Variants in SCRN3 observed in about 807,000 individuals in gnomAD.
SCRN3 encodes secernin 3, also known as secernin-3.
Under a neutral mutation model 43.1 loss-of-function variants are expected in SCRN3, and 39 were observed. The ratio of observed to expected loss-of-function variants is 0.91; its 90% CI spans 0.70 to 1.18. SCRN3 has a LOEUF of 1.18. Ranked by LOEUF, SCRN3 falls within the 50% of genes most tolerant of loss-of-function variation. The pLI is 0.00. For synonymous variants in SCRN3, 147 were observed against 163.1 expected (o/e 0.90, Z 0.75); for missense variants, 484 against 498.0 (o/e 0.97, Z 0.27).
Position 174,427,710 on chromosome 2 carries a change from T to C in SCRN3, c.1093-3T>C, listed in dbSNP as rs761726783. 8.8e-6 allele frequency: 14 copies of C among 1,585,982 alleles called. No homozygotes were observed. The highest frequency in any genetic ancestry group is 1.7e-4 in the Middle Eastern group (1 of 5,864). ...GTTTATCTTTATATTTTTAATTGTT[T>C]AGGAAAAAGCCAAAATAATGTTGGA... On this transcript the variant is annotated splice_region_variant and splice_polypyrimidine_tract_variant and intron_variant, in intron 7 of 7. Transcript: ENST00000272732.
chr2:174,419,564 T>C (rs891430902), intron 5 of SCRN3, among the ~76,000 whole-genome samples: 4 of 151,932 alleles, frequency 2.6e-5, no homozygotes, highest in East Asian at 3.9e-4. Flanking sequence ...TTTTTGGTAA[T>C]AGACGGCGGA....
intron 4 of SCRN3, among the ~76,000 whole-genome samples, chr2:174,402,088 G>A (rs997394169): frequency 3.3e-5 from 5 of 152,060 alleles, no homozygotes; most frequent in African/African-American, 7.2e-5. Flanking sequence ...TTGTTTTGAC[G>A]GACATTTTGT....
chr2:174,404,367 A>T (rs1354404989), intron 5 of SCRN3, 52 bp downstream of exon 5: 1 of 1,246,390 alleles, frequency 8.0e-7, no homozygotes, highest in South Asian at 1.3e-5. Flanking sequence ...TTTTGTGTAG[A>T]TGTAATATGG....
rs185514051 is a variant in SCRN3, at chr2:174,403,315, A to C, written c.542-788A>C. Among the ~76,000 whole-genome samples, 164 of 152,218 alleles carry C rather than the reference A, an allele frequency of 1.1e-3. 1 individual carries two copies. In the East Asian group the frequency reaches 0.028, roughly 26 times the overall value. ...AATAGTTTGTCAGTTAAAAAAAAAA[A>C]ACTAAACATGCAACTACCATACAAC... is the stretch of plus-strand genomic sequence containing the variant. On this transcript the variant is annotated intron_variant, in intron 4 of 7. Transcript: ENST00000272732.
At chr2:174,400,519 G>C (rs1685472565) in intron 3 of SCRN3, among the ~76,000 whole-genome samples, 1 of 151,948 alleles carries the variant, frequency 6.6e-6, no homozygotes. Flanking sequence ...TACTTGTCTT[G>C]AACTCCTGGC....
intron 5 of SCRN3, among the ~76,000 whole-genome samples, chr2:174,418,837 G>A (rs1035627853): frequency 7.9e-5 from 12 of 152,148 alleles, no homozygotes; most frequent in East Asian, 3.9e-4. Flanking sequence ...GCTTTTAGGC[G>A]CACCTTCTTT....
intron 5 of SCRN3, among the ~76,000 whole-genome samples, chr2:174,409,765 C>T (rs1291273696): frequency 1.4e-5 from 2 of 144,096 alleles, no homozygotes; most frequent in African/African-American, 2.5e-5. Context: ...CCCAGTTAGG[C>T]TGCTCGGGGG....
At chr2:174,422,836 C>T in intron 5 of SCRN3, 49 bp from the exon 6 acceptor site, 1 of 1,175,186 alleles carries the variant, frequency 8.5e-7, no homozygotes. Flanking sequence ...ATTTGCAAGG[C>T]ATCCGTATAT....
intron 5 of SCRN3, among the ~76,000 whole-genome samples, chr2:174,417,505 T>C (rs1408209206): frequency 9.9e-5 from 15 of 152,132 alleles, no homozygotes; most frequent in African/African-American, 3.6e-4. Flanking sequence ...GCGATTCTCC[T>C]GCCTCAGCCT....
chr2:174,403,929 T>G (rs529861655), intron 4 of SCRN3, among the ~76,000 whole-genome samples, 174 bp from the exon 5 acceptor site: 1 of 152,346 alleles, frequency 6.6e-6, no homozygotes, highest in South Asian at 2.1e-4. Context: ...AAAATCAGTT[T>G]AATTTTAAAA....
rs1686539624 is a variant in SCRN3, at chr2:174,427,797, C to G, written c.1177C>G (p.His393Asp). ...GATGGAATCAATCCTTCAAAACAAG[C>G]ATCTTGATGTGGAGAAAATTGTTAA... ...REMESILQNK[H>D]LDVEKIVNLF... The change falls in exon 8 of 8, where the codon CAT becomes GAT. Residue 393 changes from histidine (H) to aspartate (D), a missense_variant. By Grantham distance (81) the His-to-Asp change is moderately conservative. Coordinates refer to ENST00000272732, the MANE Select transcript of SCRN3 (RefSeq NM_024583.5). 6.2e-7 allele frequency: 1 copy of G among 1,610,958 alleles called. No individual in the cohort carries two copies. The highest frequency in any genetic ancestry group is 8.5e-7 in the Non-Finnish European group (1 of 1,177,574).
At chr2:174,403,959 G>T in intron 4 of SCRN3, 144 bp from the exon 5 acceptor site, 1 of 571,346 alleles carries the variant, frequency 1.8e-6, no homozygotes, top group Non-Finnish European at 3.1e-6. Flanking sequence ...TTATCTTTTT[G>T]AATATGTAAT....
At chr2:174,418,628 G>A (rs539015444) in intron 5 of SCRN3, among the ~76,000 whole-genome samples, 2 of 152,258 alleles carry the variant, frequency 1.3e-5, no homozygotes, top group Non-Finnish European at 2.9e-5. Flanking sequence ...TGTAGGTTTT[G>A]AATACAGAAA....
chr2:174,411,807 G>C (rs1483242545), intron 5 of SCRN3, among the ~76,000 whole-genome samples: 1 of 152,124 alleles, frequency 6.6e-6, no homozygotes, highest in African/African-American at 2.4e-5. Flanking sequence ...TGTAATCCCA[G>C]CTACTTGGGA....
chr2:174,414,771 T>TC (rs2105603222), intron 5 of SCRN3, among the ~76,000 whole-genome samples: 1 of 149,652 alleles, frequency 6.7e-6, no homozygotes, highest in South Asian at 2.1e-4. Flanking sequence ...TTTTCTTTTT[T>TC]TTTTTTTTTT....
intron 5 of SCRN3, among the ~76,000 whole-genome samples, chr2:174,413,081 AG>A (rs1302401038): frequency 6.6e-6 from 1 of 151,622 alleles, no homozygotes; most frequent in African/African-American, 2.4e-5. Flanking sequence ...CATGTTGGTC[AG>A]GCTGGTCTTG....
chr2:174,398,514 AT>A, intron 2 of SCRN3, 72 bp downstream of exon 2: 1 of 1,313,980 alleles, frequency 7.6e-7, no homozygotes, highest in Non-Finnish European at 1.0e-6. Context: ...ATACATAGCA[AT>A]TTGGAAGAAA....
chr2:174,397,018 A>C, intron 1 of SCRN3: 11 of 938,472 alleles, frequency 1.2e-5, no homozygotes, highest in Non-Finnish European at 1.4e-5. Context: ...ATAGTCTGCC[A>C]AAGTTATATA....
chr2:174,401,059 T>C lies in SCRN3; in HGVS notation c.411T>C (p.Tyr137=), dbSNP rs141148733. The stretch of plus-strand genomic sequence containing the variant: ...TCATTGTTGACTTACTAGAAAAATA[T>C]GGCCAGGGTGGAAATTGCACAGAGG... ...LNVIVDLLEK[Y]GQGGNCTEGR... The change falls in exon 4 of 8, where the codon TAT becomes TAC. Residue 137 remains tyrosine, a synonymous_variant. Transcript: ENST00000272732. 6.2e-7 allele frequency: 1 copy of C among 1,613,704 alleles called. No individual in the cohort carries two copies. The highest frequency in any genetic ancestry group is 8.5e-7 in the Non-Finnish European group (1 of 1,179,890).
Sources: gnomAD v4.1 joint callset for allele counts (sites outside exome capture counted in the v4.1 genomes callset) on GRCh38, gnomAD v4.1.1 for gene constraint, MANE v1.5 for transcripts, NCBI Gene and HGNC (gene_info 2026-07-23, HGNC 2026-07-21) for gene names.